The following CD99L2 variants were observed in gnomAD, a reference collection of about 807,000 sequenced individuals.
The protein encoded by CD99L2 is CD99 molecule like 2.
Under a neutral mutation model 27.3 loss-of-function variants are expected in CD99L2, and 24 were observed. The observed-to-expected ratio is 0.88, with a 90% CI of 0.64 to 1.24. The LOEUF (loss-of-function observed/expected upper bound fraction) is 1.24, where lower values mean the gene tolerates loss of function less well. Ranked by LOEUF, CD99L2 falls within the 50% of genes most tolerant of loss-of-function variation. The pLI is 0.00. For synonymous variants in CD99L2, 97 were observed against 87.9 expected (o/e 1.10, Z -0.58); for missense variants, 255 against 221.6 (o/e 1.15, Z -0.96).
At chrX:150,851,222 C>T (rs2046787019) in intron 1 of CD99L2, among the ~76,000 whole-genome samples, 2 of 112,100 alleles carry the variant, frequency 1.8e-5, no homozygotes, top group Admixed American at 9.5e-5. Flanking sequence ...TCTGTGCCTT[C>T]GAACTTGGGC....
At chrX:150,889,740 C>G (rs782124968) in intron 1 of CD99L2, among the ~76,000 whole-genome samples, 2 of 112,924 alleles carry the variant, frequency 1.8e-5, no homozygotes, top group Non-Finnish European at 3.7e-5. Flanking sequence ...AGCAGCAGAA[C>G]GTTCTGACAT....
intron 7 of CD99L2, among the ~76,000 whole-genome samples, chrX:150,792,855 C>T (rs1176266511): frequency 1.8e-5 from 2 of 112,254 alleles, no homozygotes; most frequent in Non-Finnish European, 3.8e-5. Flanking sequence ...ATATTCCCTC[C>T]AGACTTGATG....
At chrX:150,887,969 G>A (rs2047440618) in intron 1 of CD99L2, among the ~76,000 whole-genome samples, 1 of 110,805 alleles carries the variant, frequency 9.0e-6, no homozygotes, top group Non-Finnish European at 1.9e-5. Flanking sequence ...TCCAGGGAGG[G>A]AGCAATATTT....
At chrX:150,859,643 A>C (rs960040711) in intron 1 of CD99L2, among the ~76,000 whole-genome samples, 53 of 108,428 alleles carry the variant, frequency 4.9e-4, no homozygotes, top group African/African-American at 1.5e-3. Flanking sequence ...GATTACAGGC[A>C]CCTGCCACCA....
At chrX:150,804,252 A>T (rs2045961221) in intron 4 of CD99L2, among the ~76,000 whole-genome samples, 2 of 112,584 alleles carry the variant, frequency 1.8e-5, no homozygotes, top group South Asian at 7.3e-4. Flanking sequence ...GTTTGAACAG[A>T]GAATTGGAAA....
chrX:150,806,253 C>A (rs1189873124), intron 4 of CD99L2, among the ~76,000 whole-genome samples: 2 of 112,046 alleles, frequency 1.8e-5, no homozygotes, highest in Admixed American at 1.9e-4. Context: ...ATTTGAGCAT[C>A]AAGGTAATTT....
intron 1 of CD99L2, among the ~76,000 whole-genome samples, chrX:150,894,740 A>G (rs900802946): frequency 9.0e-6 from 1 of 110,505 alleles, no homozygotes; most frequent in African/African-American, 3.3e-5. Flanking sequence ...GGCGCATGCC[A>G]CCACGCCTGG....
intron 2 of CD99L2, chrX:150,829,323 T>TA: frequency 3.1e-6 from 1 of 325,177 alleles, no homozygotes; most frequent in Non-Finnish European, 6.0e-6. Context: ...AGGTGGGCCT[T>TA]AAACCCACTA....
At chrX:150,838,854 G>T (rs1479844313) in intron 1 of CD99L2, among the ~76,000 whole-genome samples, 2 of 80,456 alleles carry the variant, frequency 2.5e-5, no homozygotes, top group African/African-American at 9.8e-5. Context: ...CATGCCCAGC[G>T]GAAAACATGA....
chrX:150,895,713 T>A (rs1167736327), intron 1 of CD99L2, among the ~76,000 whole-genome samples: 1 of 111,613 alleles, frequency 9.0e-6, no homozygotes, highest in African/African-American at 3.3e-5. Flanking sequence ...AATCGTATTA[T>A]CTTATTTTGG....
At chrX:150,806,712 G>A (rs2045999736) in intron 4 of CD99L2, among the ~76,000 whole-genome samples, 1 of 110,885 alleles carries the variant, frequency 9.0e-6, no homozygotes, top group African/African-American at 3.3e-5. Flanking sequence ...CCAACATGGT[G>A]AAAACCCGTC....
chrX:150,863,167 A>G (rs1348821302), intron 1 of CD99L2, among the ~76,000 whole-genome samples: 1 of 112,117 alleles, frequency 8.9e-6, no homozygotes, highest in East Asian at 2.8e-4. Flanking sequence ...ACATTACACC[A>G]TGGTTCTGTT....
chrX:150,853,018 G>T (rs4489434), intron 1 of CD99L2, among the ~76,000 whole-genome samples: 10,684 of 110,974 alleles, frequency 0.096, 503 homozygotes, highest in Middle Eastern at 0.18. Flanking sequence ...GGAAGTTTCT[G>T]AAATCCATTC....
intron 4 of CD99L2, among the ~76,000 whole-genome samples, chrX:150,809,480 A>C (rs1557420322): frequency 2.7e-5 from 3 of 112,360 alleles, no homozygotes; most frequent in Non-Finnish European, 3.8e-5. Flanking sequence ...AAATATCAAA[A>C]AGCAGAAAAA....
chrX:150,769,317 T>TAAGTTCAGG (rs2043370772), intron 10 of CD99L2, among the ~76,000 whole-genome samples: 3 of 111,863 alleles, frequency 2.7e-5, no homozygotes, highest in Non-Finnish European at 5.6e-5. Flanking sequence ...CAGCTCAGCC[T>TAAGTTCAGG]CCATCTCCTC....
intron 1 of CD99L2, among the ~76,000 whole-genome samples, chrX:150,852,036 T>C (rs1557421619): frequency 8.9e-6 from 1 of 112,001 alleles, no homozygotes; most frequent in Non-Finnish European, 1.9e-5. Context: ...TCTGTTTTAC[T>C]GTTTCAAGCA....
Position 150,769,052 on chromosome X carries a change from GGGCGGC to G in CD99L2, c.765_770del (p.Pro256_Pro257del). On this transcript the variant is annotated inframe_deletion, in exon 11 of 11. Coordinates refer to ENST00000370377, the MANE Select transcript of CD99L2 (RefSeq NM_031462.4). ...AGGGCCCTCAGATCCGGGCTGGTTCGGGCGGCGGCGGCGGCTCTGCAGACTGCGTGT... is the reference window on the plus strand; with the variant it reads ...AGGGCCCTCAGATCCGGGCTGGTTCGGGCGGCGGCTCTGCAGACTGCGTGT... 1 of 1,154,332 alleles carries G rather than the reference GGGCGGC, an allele frequency of 8.7e-7. No homozygotes were observed. Among genetic ancestry groups the G allele is most frequent in the Non-Finnish European group, 1.1e-6 (1 of 875,601 alleles).
chrX:150,852,897 A>C (rs2046814844), intron 1 of CD99L2, among the ~76,000 whole-genome samples: 1 of 112,038 alleles, frequency 8.9e-6, no homozygotes, highest in African/African-American at 3.3e-5. Flanking sequence ...TTTTGCTATA[A>C]TTATAAGTAG....
chrX:150,893,860 C>T (rs1557422966), intron 1 of CD99L2, among the ~76,000 whole-genome samples: 1 of 109,686 alleles, frequency 9.1e-6, no homozygotes, highest in African/African-American at 3.3e-5. Context: ...GGACTACAAG[C>T]GTGTACCACC....
Sources: gnomAD v4.1 joint callset for allele counts (sites outside exome capture counted in the v4.1 genomes callset) on GRCh38, gnomAD v4.1.1 for gene constraint, MANE v1.5 for transcripts, NCBI Gene and HGNC (gene_info 2026-07-23, HGNC 2026-07-21) for gene names.